The following ZNF264 variants were observed in gnomAD, a reference collection of about 807,000 sequenced individuals.
ZNF264 encodes the protein zinc finger protein 264.
ZNF264 carries 11 observed loss-of-function variants against 11.2 expected under a neutral mutation model. That is an observed-to-expected ratio of 0.98 (90% CI 0.62 to 1.63). The LOEUF (loss-of-function observed/expected upper bound fraction) is 1.63. Ranked by LOEUF, ZNF264 falls within the 40% of genes most tolerant of loss-of-function variation. The probability of loss-of-function intolerance (pLI) is 0.00; values close to 1 mark genes in which losing one functional copy is unlikely to be tolerated. For synonymous variants in ZNF264, 309 were observed against 279.8 expected, an observed-to-expected ratio of 1.10 and a Z score of -1.04; for missense variants, 752 against 768.1, an observed-to-expected ratio of 0.98 and a Z score of 0.25.
At position 57,221,695 on chromosome 19, in the gene ZNF264, A is replaced by G. The variant is rs1408448905; in HGVS notation, c.*8714A>G. ...CTCAGTGCCAGGGTTTTTATTGGGC[A>G]TGTTTTCTAGCACATCCCACAATTC... On this transcript the variant is annotated 3_prime_UTR_variant, in exon 4 of 4. Coordinates refer to ENST00000263095, the MANE Select transcript of ZNF264 (RefSeq NM_003417.5). 3 of 152,148 alleles carry G rather than the reference A, an allele frequency of 2.0e-5. No individual in the cohort carries two copies. Among genetic ancestry groups the G allele is most frequent in the Admixed American group, 1.3e-4 (2 of 15,284 alleles). The allele number at this position is 152,148 out of a possible 1,614,324, so 9.4% of individuals were successfully genotyped here.
intron 2 of ZNF264, among the ~76,000 whole-genome samples, chr19:57,201,208 G>A (rs1422302924): frequency 6.6e-6 from 1 of 151,774 alleles, no homozygotes; most frequent in East Asian, 1.9e-4. Flanking sequence ...TGCCCCTTGG[G>A]TTTGTAGCTG....
intron 3 of ZNF264, among the ~76,000 whole-genome samples, chr19:57,207,011 C>T (rs1175669715): frequency 7.0e-6 from 1 of 143,124 alleles, no homozygotes; most frequent in African/African-American, 2.7e-5. Context: ...CTGTGCAGTC[C>T]CTGTTCAGCC....
intron 2 of ZNF264, among the ~76,000 whole-genome samples, chr19:57,196,930 G>A (rs2087216004): frequency 1.3e-5 from 2 of 151,898 alleles, no homozygotes. Flanking sequence ...AGTGCACAGC[G>A]AGGTGCACTG....
chr19:57,193,643 G>A (rs1404731631), intron 1 of ZNF264: 52 of 759,446 alleles, frequency 6.8e-5, no homozygotes, highest in East Asian at 1.3e-4. Context: ...AGTTGTTTCC[G>A]TTGTCCTGTG....
intron 2 of ZNF264, among the ~76,000 whole-genome samples, chr19:57,199,871 G>A (rs928792392): frequency 2.6e-5 from 4 of 151,744 alleles, no homozygotes; most frequent in African/African-American, 9.7e-5. Context: ...TGTTGCCTCA[G>A]GCAGCACAGG....
Position 57,193,924 on chromosome 19 carries a change from G to C in ZNF264, c.83G>C (p.Trp28Ser), listed in dbSNP as rs1483685827. 5 of 1,614,096 alleles carry C rather than the reference G, an allele frequency of 3.1e-6. No homozygotes were observed. The South Asian group carries it at 4.4e-5, about 14-fold the overall frequency. The change falls in exon 2 of 4, where the codon TGG (tryptophan) becomes TCG (serine). Residue 28 changes from tryptophan (W) to serine (S), a missense_variant. Transcript: ENST00000263095. ...DVAVTFTKEE[W>S]GQLDLAQRTL... ...GCTGTGACTTTCACCAAGGAGGAGT[G>C]GGGGCAGCTGGACCTAGCTCAGCGG... is the stretch of plus-strand genomic sequence containing the variant.
chr19:57,212,007 T>C lies in ZNF264; in HGVS notation c.910T>C (p.Leu304=). The change falls in exon 4 of 4, where the codon TTG becomes CTG. Residue 304 remains leucine, a synonymous_variant. Transcript: ENST00000263095. The part of the protein sequence containing the change: ...KAFTHRSNFV[L]HNRRHTGEKS... The stretch of plus-strand genomic sequence containing the variant: ...CTTCACCCACCGCTCCAATTTTGTC[T>C]TGCATAACAGGAGACACACTGGAGA... The C allele has an allele frequency of 2.5e-6, 4 of 1,613,896 alleles. No homozygotes were observed. The highest frequency in any genetic ancestry group is 3.4e-6 in the Non-Finnish European group (4 of 1,179,972).
chr19:57,208,875 C>T (rs2087313867), intron 3 of ZNF264, among the ~76,000 whole-genome samples: 1 of 152,206 alleles, frequency 6.6e-6, no homozygotes, highest in Admixed American at 6.5e-5. Flanking sequence ...CAAATGGACA[C>T]AGAATAGTCT....
At chr19:57,208,120 G>T (rs1261456845) in intron 3 of ZNF264, among the ~76,000 whole-genome samples, 1 of 152,232 alleles carries the variant, frequency 6.6e-6, no homozygotes, top group East Asian at 1.9e-4. Flanking sequence ...CTCCCAAAGT[G>T]CAGGGATTAC....
chr19:57,211,279 C>A (rs2087332864), intron 3 of ZNF264, 75 bp from the exon 4 acceptor site: 2 of 1,370,142 alleles, frequency 1.5e-6, no homozygotes, highest in Non-Finnish European at 2.0e-6. Flanking sequence ...TATGGTTTTT[C>A]ACAGAAATGG....
At position 57,211,388 on chromosome 19, in the gene ZNF264, C is replaced by T. The variant is rs2087333936; in HGVS notation, c.291C>T (p.Thr97=). 2 of 1,613,774 alleles carry T rather than the reference C, an allele frequency of 1.2e-6. No homozygotes were observed. Among genetic ancestry groups the T allele is most frequent in the Non-Finnish European group, 1.7e-6 (2 of 1,179,812 alleles). ...GAAAACCTAAGACCACAGAACCTAC[C>T]ACTTGTGAGCCAGCCTTGTCAGAGG... is the stretch of plus-strand genomic sequence containing the variant. ...DKGKPKTTEP[T]TCEPALSEGI... The change falls in exon 4 of 4, where the codon ACC becomes ACT. Residue 97 remains threonine, a synonymous_variant. Coordinates refer to ENST00000263095, the MANE Select transcript of ZNF264 (RefSeq NM_003417.5).
rs1253336344 is a variant in ZNF264 at position 57,211,830 on chromosome 19, C to G, written c.733C>G (p.His245Asp). ...TGGGAAAACCTTTATTAAGAGCACACATCTCCTGCAACATCACATGATCCA... is the reference window on the plus strand; with the variant it reads ...TGGGAAAACCTTTATTAAGAGCACAGATCTCCTGCAACATCACATGATCCA... ...ECGKTFIKSTHLLQHHMIHTG... is the reference protein window; with the variant it reads ...ECGKTFIKSTDLLQHHMIHTG... Residue 245 changes from histidine (H) to aspartate (D), a missense_variant, in exon 4 of 4, where the codon CAT becomes GAT. Coordinates refer to ENST00000263095, the MANE Select transcript of ZNF264 (RefSeq NM_003417.5). 1 of 1,613,994 alleles carries G rather than the reference C, an allele frequency of 6.2e-7. No individual in the cohort carries two copies. The highest frequency in any genetic ancestry group is 2.2e-5 in the East Asian group (1 of 44,888).
intron 2 of ZNF264, among the ~76,000 whole-genome samples, chr19:57,204,056 A>T (rs2087272790): frequency 1.3e-5 from 2 of 152,042 alleles, no homozygotes; most frequent in South Asian, 2.1e-4. Flanking sequence ...GTGTGGTGGC[A>T]GGCGCCTGTA....
intron 2 of ZNF264, among the ~76,000 whole-genome samples, chr19:57,200,023 T>C (rs1466745730): frequency 7.4e-6 from 1 of 134,282 alleles, no homozygotes; most frequent in African/African-American, 2.9e-5. Context: ...AAAGAAAAAA[T>C]GATGAACTCA....
At position 57,212,051 on chromosome 19, in the gene ZNF264, A is replaced by G. The variant is rs547293386; in HGVS notation, c.954A>G (p.Thr318=). Reference sequence around the variant, plus strand: ...CTGGAGAAAAATCCTTTGTGTGCACAGAATGTGGCCAAGTCTTTCGACATA... The same window carrying G: ...CTGGAGAAAAATCCTTTGTGTGCACGGAATGTGGCCAAGTCTTTCGACATA... ...RHTGEKSFVC[T]ECGQVFRHRP... is the part of the protein sequence containing the mutation. The change falls in exon 4 of 4, where the codon ACA becomes ACG. Residue 318 remains threonine (T), a synonymous_variant. Transcript: ENST00000263095. 30 of 1,614,044 alleles carry G rather than the reference A, an allele frequency of 1.9e-5. No individual in the cohort carries two copies. In the East Asian group the frequency reaches 5.6e-4, roughly 30 times the overall value.
rs2087369560 is a variant in ZNF264 at position 57,214,974 on chromosome 19, G to C, written c.*1993G>C. 6.6e-6 allele frequency: 1 copy of C among 152,074 alleles called. No individual in the cohort carries two copies. Among genetic ancestry groups the C allele is most frequent in the Admixed American group, 6.6e-5 (1 of 15,258 alleles). 9.4% of individuals were successfully genotyped at this position (152,074 alleles called of 1,614,324 possible). On this transcript the variant is annotated 3_prime_UTR_variant, in exon 4 of 4. Transcript: ENST00000263095. ...TCATTCCCTTTGTTTGTATTTTGTT[G>C]AGGAAATATTCCTCTAATTTATTGG...
At chr19:57,201,535 C>T (rs2087253534) in intron 2 of ZNF264, among the ~76,000 whole-genome samples, 1 of 152,006 alleles carries the variant, frequency 6.6e-6, no homozygotes, top group Admixed American at 6.6e-5. Flanking sequence ...TCTCTACTCA[C>T]TACCTTTTGT....
chr19:57,193,804 AGTGGAGCACAGTCT>A, intron 1 of ZNF264, 57 bp from the exon 2 acceptor site: 1 of 1,584,950 alleles, frequency 6.3e-7, no homozygotes, highest in African/African-American at 1.3e-5. Flanking sequence ...CACCTTTTCC[AGTGGAGCACAGTCT>A]GTGATCTCAT....
chr19:57,210,349 G>A (rs895633520), intron 3 of ZNF264, among the ~76,000 whole-genome samples: 2 of 152,192 alleles, frequency 1.3e-5, no homozygotes, highest in Admixed American at 6.5e-5. Flanking sequence ...CGGACTACAG[G>A]TTTGGGTCCC....
Sources: allele counts gnomAD v4.1 joint callset (sites outside exome capture counted in the v4.1 genomes callset), GRCh38; gene constraint gnomAD v4.1.1; transcripts MANE v1.5; gene names NCBI Gene and HGNC (gene_info 2026-07-23, HGNC 2026-07-21).